LHPP: variants seen among roughly 807,000 people sequenced by gnomAD.
The protein encoded by LHPP is hLHPP.
LHPP carries 24 observed loss-of-function variants against 30.3 expected under a neutral mutation model. The ratio of observed to expected loss-of-function variants is 0.79; its 90% CI spans 0.57 to 1.11. The LOEUF is 1.11. LHPP is among the 50% of genes most tolerant of loss of function. The pLI is 0.00. For synonymous variants in LHPP, 150 were observed against 157.1 expected (o/e 0.95, Z 0.34); for missense variants, 356 against 367.2 (o/e 0.97, Z 0.25).
At chr10:124,549,563 T>C (rs1375113057) in intron 6 of LHPP, among the ~76,000 whole-genome samples, 1 of 152,276 alleles carries the variant, frequency 6.6e-6, no homozygotes, top group Non-Finnish European at 1.5e-5. Context: ...TTCTTCACTT[T>C]AGTCTTGTTA....
chr10:124,461,920 G>A lies in LHPP; in HGVS notation c.58G>A (p.Gly20Ser). Residue 20 changes from glycine to serine, a missense_variant, in exon 1 of 7, where the codon GGC (glycine) becomes AGC (serine). Transcript: ENST00000368842. ...GCGCGGGGTGCTGCTTGACATCTCG[G>A]GCGTGCTGTACGACAGCGGCGCGGG... is the stretch of plus-strand genomic sequence containing the variant. ...GVRGVLLDISGVLYDSGAGGG... is the reference protein window; with the variant it reads ...GVRGVLLDISSVLYDSGAGGG... 1 of 1,254,454 alleles carries A rather than the reference G, an allele frequency of 8.0e-7. No individual in the cohort carries two copies. Among genetic ancestry groups the A allele is most frequent in the Admixed American group, 3.9e-5 (1 of 25,696 alleles). The allele number at this position is 1,254,454 out of a possible 1,614,324, so 77.7% of individuals were successfully genotyped here. A position where few individuals can be genotyped will look rare whatever the true frequency, so the allele number is the denominator to read the frequency against.
intron 6 of LHPP, among the ~76,000 whole-genome samples, chr10:124,563,421 G>A (rs1948435741): frequency 1.3e-5 from 2 of 150,468 alleles, no homozygotes; most frequent in Admixed American, 1.3e-4. Context: ...ATCCCAAAAG[G>A]TTATGTACTT....
At chr10:124,556,128 T>A (rs1948294950) in intron 6 of LHPP, among the ~76,000 whole-genome samples, 1 of 152,198 alleles carries the variant, frequency 6.6e-6, no homozygotes, top group South Asian at 2.1e-4. Flanking sequence ...TCTTGAAAAC[T>A]TCAGTAAACT....
chr10:124,564,863 A>T (rs867417907), intron 6 of LHPP, among the ~76,000 whole-genome samples: 36 of 152,228 alleles, frequency 2.4e-4, no homozygotes, highest in African/African-American at 8.0e-4. Context: ...ATTTGCAATG[A>T]TCTGGATGAG....
intron 6 of LHPP, among the ~76,000 whole-genome samples, chr10:124,555,844 C>T (rs1039405377): frequency 4.6e-5 from 7 of 152,138 alleles, no homozygotes; most frequent in African/African-American, 7.2e-5. Flanking sequence ...AGTTCTGCCC[C>T]GAGCTGTTTG....
intron 1 of LHPP, among the ~76,000 whole-genome samples, chr10:124,466,888 C>G (rs188328760): frequency 0.018 from 2,699 of 151,610 alleles, 73 homozygotes; most frequent in African/African-American, 0.062. Context: ...ACCTGTAATC[C>G]CAGCACTTTG....
At chr10:124,537,580 A>T (rs1955059019) in intron 6 of LHPP, among the ~76,000 whole-genome samples, 1 of 152,208 alleles carries the variant, frequency 6.6e-6, no homozygotes, top group Non-Finnish European at 1.5e-5. Context: ...CCAGTCCCAC[A>T]AGATGGTGTC....
chr10:124,591,709 C>T (rs1335735576), intron 6 of LHPP, among the ~76,000 whole-genome samples: 2 of 152,022 alleles, frequency 1.3e-5, no homozygotes, highest in Non-Finnish European at 2.9e-5. Context: ...TTCTAACAAG[C>T]ATTTGGTACT....
At chr10:124,529,109 G>A (rs1336539583) in intron 6 of LHPP, among the ~76,000 whole-genome samples, 1 of 141,704 alleles carries the variant, frequency 7.1e-6, no homozygotes, top group Non-Finnish European at 1.5e-5. Context: ...TCGGCTCACT[G>A]TAAGCTCCGC....
chr10:124,557,241 A>T (rs1398358207), intron 6 of LHPP, among the ~76,000 whole-genome samples: 4 of 152,160 alleles, frequency 2.6e-5, no homozygotes, highest in African/African-American at 9.7e-5. Flanking sequence ...GGAAGTTTGG[A>T]CGGCTGTGGT....
Position 124,510,787 on chromosome 10 carries a change from T to C in LHPP, c.625-6393T>C, listed in dbSNP as rs370596131. Among the ~76,000 whole-genome samples, 8 of 152,350 alleles carry C rather than the reference T, an allele frequency of 5.3e-5. No homozygotes were observed. In the South Asian group the frequency reaches 8.3e-4, roughly 16 times the overall value. The stretch of plus-strand genomic sequence containing the variant: ...TGGCAGCAGTGGACATGGTCCTGAA[T>C]TGGAGTGCTGTGAATGTTCACTGCT... On this transcript the variant is annotated intron_variant, in intron 5 of 6. Coordinates refer to ENST00000368842, the MANE Select transcript of LHPP (RefSeq NM_022126.4). This position sits in a 1 kb window ranked among gnomAD's most constrained non-coding sequence, Gnocchi z 4.0.
At chr10:124,569,885 C>G (rs1948556579) in intron 6 of LHPP, among the ~76,000 whole-genome samples, 1 of 152,134 alleles carries the variant, frequency 6.6e-6, no homozygotes, top group Non-Finnish European at 1.5e-5. Context: ...ACACGTACAC[C>G]CGTGTAACCC....
At chr10:124,503,978 G>A (rs1953986591) in intron 5 of LHPP, among the ~76,000 whole-genome samples, 1 of 152,114 alleles carries the variant, frequency 6.6e-6, no homozygotes, top group African/African-American at 2.4e-5. Flanking sequence ...GATCACCTGA[G>A]GTCAGAAGTT....
At chr10:124,550,386 GGA>G (rs1465107829) in intron 6 of LHPP, among the ~76,000 whole-genome samples, 1 of 152,242 alleles carries the variant, frequency 6.6e-6, no homozygotes, top group Non-Finnish European at 1.5e-5. Context: ...GTGGCTGTCA[GGA>G]GAGAGGGCCT....
At chr10:124,512,004 C>T (rs77707288) in intron 5 of LHPP, among the ~76,000 whole-genome samples, 2 of 150,452 alleles carry the variant, frequency 1.3e-5, no homozygotes, top group Admixed American at 6.7e-5. Flanking sequence ...CTTTCCTGAC[C>T]ACCCACAAGC....
chr10:124,572,837 G>A (rs942742204), intron 6 of LHPP, among the ~76,000 whole-genome samples: 1 of 152,202 alleles, frequency 6.6e-6, no homozygotes, highest in African/African-American at 2.4e-5. Context: ...GGTCATCGCT[G>A]CTGCTCCCAT....
At chr10:124,525,542 C>G (rs1264507718) in intron 6 of LHPP, among the ~76,000 whole-genome samples, 1 of 152,184 alleles carries the variant, frequency 6.6e-6, no homozygotes, top group East Asian at 1.9e-4. Flanking sequence ...TGTGGCAGTC[C>G]CGGACGCTGG....
intron 6 of LHPP, among the ~76,000 whole-genome samples, chr10:124,569,890 T>C (rs1948556685): frequency 6.6e-6 from 1 of 152,184 alleles, no homozygotes; most frequent in Admixed American, 6.5e-5. Context: ...TACACCCGTG[T>C]AACCCCCACA....
intron 6 of LHPP, among the ~76,000 whole-genome samples, chr10:124,540,227 C>G (rs1029587535): frequency 6.6e-6 from 1 of 152,174 alleles, no homozygotes; most frequent in Non-Finnish European, 1.5e-5. Context: ...TGTGGCCTCC[C>G]GAGACAAGGA....
Sources: gnomAD v4.1 joint callset for allele counts (sites outside exome capture counted in the v4.1 genomes callset) on GRCh38, gnomAD v4.1.1 for gene constraint, Gnocchi (gnomAD v3.1) non-coding constraint, MANE v1.5 for transcripts, NCBI Gene and HGNC (gene_info 2026-07-23, HGNC 2026-07-21) for gene names.